RASGRF2: variants seen among roughly 807,000 people sequenced by gnomAD.
RASGRF2 encodes ras-specific guanine nucleotide-releasing factor 2.
RASGRF2 carries 76 observed loss-of-function variants against 151.0 expected under a neutral mutation model. The observed-to-expected ratio is 0.50, with a 90% CI of 0.42 to 0.61. The LOEUF (loss-of-function observed/expected upper bound fraction) is 0.61, where lower values mean the gene tolerates loss of function less well. RASGRF2 is among the 20% of genes least tolerant of loss of function. RASGRF2 has a pLI of 0.00. For synonymous variants in RASGRF2, 504 were observed against 566.5 expected, an observed-to-expected ratio of 0.89 and a Z score of 1.57; for missense variants, 1,148 against 1,564.6, an observed-to-expected ratio of 0.73 and a Z score of 4.49.
At chr5:80,992,321 A>C (rs1342391802) in intron 1 of RASGRF2, among the ~76,000 whole-genome samples, 1 of 152,094 alleles carries the variant, frequency 6.6e-6, no homozygotes, top group African/African-American at 2.4e-5. Context: ...CTGCAGGAGA[A>C]AATTGTCTCC....
chr5:81,112,366 T>TTATACC (rs1753020439), intron 13 of RASGRF2, among the ~76,000 whole-genome samples: 1 of 152,114 alleles, frequency 6.6e-6, no homozygotes, highest in Non-Finnish European at 1.5e-5. Flanking sequence ...TGTGCATAGG[T>TTATACC]TATGTGGAAA....
intron 17 of RASGRF2, among the ~76,000 whole-genome samples, chr5:81,144,464 G>A (rs142158375): frequency 1.2e-3 from 182 of 152,336 alleles, no homozygotes; most frequent in Non-Finnish European, 6.0e-4. Context: ...GTGCTGGGAA[G>A]ACATAAGGCG....
At chr5:81,166,343 A>G (rs1253263671) in intron 17 of RASGRF2, among the ~76,000 whole-genome samples, 2 of 151,908 alleles carry the variant, frequency 1.3e-5, no homozygotes, top group African/African-American at 4.8e-5. Context: ...GCGTGCCACG[A>G]CACCTGGCTA....
intron 1 of RASGRF2, among the ~76,000 whole-genome samples, chr5:80,972,135 G>C (rs2112219884): frequency 6.6e-6 from 1 of 152,218 alleles, no homozygotes; most frequent in East Asian, 1.9e-4. Flanking sequence ...AAATAATCCT[G>C]CTTTGAAAAG....
chr5:81,116,066 C>CTTTTTTTTTTTTT (rs575647502), intron 15 of RASGRF2, among the ~76,000 whole-genome samples: 2 of 49,064 alleles, frequency 4.1e-5, no homozygotes, highest in African/African-American at 6.5e-5. Flanking sequence ...AATGCCATTT[C>CTTTTTTTTTTTTT]TTTTTTTTTT....
At chr5:80,970,327 T>C (rs1056755039) in intron 1 of RASGRF2, among the ~76,000 whole-genome samples, 1 of 152,206 alleles carries the variant, frequency 6.6e-6, no homozygotes, top group Non-Finnish European at 1.5e-5. Context: ...ACTGATTGTT[T>C]TAGGCCCTTT....
intron 1 of RASGRF2, among the ~76,000 whole-genome samples, chr5:80,993,807 C>T (rs1306087681): frequency 1.3e-5 from 2 of 152,060 alleles, no homozygotes; most frequent in Non-Finnish European, 2.9e-5. Context: ...GAGATGGCTA[C>T]CTCAGTTTCA....
At position 81,092,742 on chromosome 5, in the gene RASGRF2, A is replaced by G. The variant is rs1346118246; in HGVS notation, c.1391-59A>G. 16 of 1,489,750 alleles carry G rather than the reference A, an allele frequency of 1.1e-5. No homozygotes were observed. In the East Asian group the frequency reaches 2.0e-4, roughly 19 times the overall value. The allele number at this position is 1,489,750 out of a possible 1,614,324, so 92.3% of individuals were successfully genotyped here. ...GACCTTAGTGTTTATTGCCGTGGAC[A>G]TGGTCCTCACTTGACAGAATTTTAA... On this transcript the variant is annotated intron_variant, in intron 9 of 26. Coordinates refer to ENST00000265080, the MANE Select transcript of RASGRF2 (RefSeq NM_006909.3).
chr5:80,974,906 G>T (rs78323343), intron 1 of RASGRF2, among the ~76,000 whole-genome samples: 6 of 152,098 alleles, frequency 3.9e-5, no homozygotes, highest in Non-Finnish European at 8.8e-5. Flanking sequence ...TTTCTTGCAG[G>T]CATTAGTGTG....
intron 2 of RASGRF2, among the ~76,000 whole-genome samples, chr5:81,061,963 A>G (rs1260460952): frequency 6.7e-6 from 1 of 148,732 alleles, no homozygotes; most frequent in African/African-American, 2.5e-5. Flanking sequence ...TGCTAGGATT[A>G]CAGACATGAG....
chr5:81,225,396 T>C (rs1032811486), intron 26 of RASGRF2, among the ~76,000 whole-genome samples: 12 of 152,144 alleles, frequency 7.9e-5, no homozygotes, highest in Admixed American at 7.2e-4. Context: ...TAAGTACATG[T>C]AATCTCTATA....
At position 81,098,103 on chromosome 5, in the gene RASGRF2, A is replaced by G. The variant is rs541055973; in HGVS notation, c.1755+3111A>G. 3.3e-5 allele frequency among the ~76,000 whole-genome samples: 5 copies of G among 152,276 alleles called. No individual in the cohort carries two copies. In the South Asian group the frequency reaches 1.0e-3, roughly 32 times the overall value. ...AGATTAGGGATCTGAGCCTGGATTC[A>G]TTTTGAAGGTAGAACCAGCAGAGTT... is the stretch of plus-strand genomic sequence containing the variant. On this transcript the variant is annotated intron_variant, in intron 12 of 26. Coordinates refer to ENST00000265080, the MANE Select transcript of RASGRF2 (RefSeq NM_006909.3).
chr5:81,161,260 A>T (rs1351626891), intron 17 of RASGRF2, among the ~76,000 whole-genome samples: 2 of 152,158 alleles, frequency 1.3e-5, no homozygotes, highest in Admixed American at 1.3e-4. Flanking sequence ...CACCTTAGCA[A>T]GACAGTAAGT....
intron 7 of RASGRF2, among the ~76,000 whole-genome samples, chr5:81,082,640 CTA>C (rs1752119627): frequency 6.6e-6 from 1 of 152,138 alleles, no homozygotes; most frequent in African/African-American, 2.4e-5. Flanking sequence ...GATTGGGTAA[CTA>C]TGTGGTGTTT....
At position 81,180,189 on chromosome 5, in the gene RASGRF2, G is replaced by C. The variant is rs780471153; in HGVS notation, c.2701G>C (p.Glu901Gln). The C allele has an allele frequency of 6.2e-7, 1 of 1,606,852 alleles. No homozygotes were observed. Among genetic ancestry groups the C allele is most frequent in the South Asian group, 1.1e-5 (1 of 90,880 alleles). The change falls in exon 18 of 27, where the codon GAG becomes CAG. Residue 901 changes from glutamate (E) to glutamine (Q), a missense_variant. Around this residue, in one of 5 missense-constraint regions of RASGRF2, gnomAD observed 646 missense variants for 807.4 expected, o/e 0.80. Coordinates refer to ENST00000265080, the MANE Select transcript of RASGRF2 (RefSeq NM_006909.3). ...TTTCTCCTAAGGCTTTAACAACACC[G>C]AGAGAACATGTGATAAAGAGTTTAT... is the stretch of plus-strand genomic sequence containing the variant. Reference protein sequence around the residue: ...HGSPPGFNNTERTCDKEFIIR... With the variant: ...HGSPPGFNNTQRTCDKEFIIR...
rs760338806 is a variant in RASGRF2, at chr5:81,073,344, A to G, written c.779A>G (p.His260Arg). 6.2e-7 allele frequency: 1 copy of G among 1,614,184 alleles called. No individual in the cohort carries two copies. Among genetic ancestry groups the G allele is most frequent in the Non-Finnish European group, 8.5e-7 (1 of 1,180,028 alleles). ...TMVEAESEYV[H>R]QLYILVNGFL... is the part of the protein sequence containing the mutation. ...GTGGAGGCAGAGTCAGAGTACGTTC[A>G]CCAGCTCTACATCCTGGTCAATGGC... Residue 260 changes from histidine (H) to arginine (R), a missense_variant, in exon 5 of 27, where the codon CAC (histidine) becomes CGC (arginine). This residue lies in a region of RASGRF2 where 176 missense variants were observed against 309.6 expected (regional missense o/e 0.57). Coordinates refer to ENST00000265080, the MANE Select transcript of RASGRF2 (RefSeq NM_006909.3).
At position 81,127,918 on chromosome 5, in the gene RASGRF2, C is replaced by T. The variant is rs113969549; in HGVS notation, c.2686+755C>T. ...CAGCCTGTGTGACAGAGCAAGACTC[C>T]GTCTCAAAAAAAAAAAAAAAAAAAA... On this transcript the variant is annotated intron_variant, in intron 17 of 26. Coordinates refer to ENST00000265080, the MANE Select transcript of RASGRF2 (RefSeq NM_006909.3). Among the ~76,000 whole-genome samples the T allele has an allele frequency of 1.6e-3, 157 of 101,250 alleles. 1 individual carries two copies. The highest frequency in any genetic ancestry group is 6.1e-3 in the African/African-American group (135 of 22,298). The allele number at this position is 101,250 out of a possible 152,430, so 66.4% of individuals were successfully genotyped here.
chr5:81,147,343 G>A (rs924766600), intron 17 of RASGRF2, among the ~76,000 whole-genome samples: 6 of 151,826 alleles, frequency 4.0e-5, no homozygotes, highest in Admixed American at 2.6e-4. Flanking sequence ...TATGCATTTC[G>A]TGGTTTATGT....
chr5:80,992,899 G>A (rs548870791), intron 1 of RASGRF2, among the ~76,000 whole-genome samples: 1 of 152,264 alleles, frequency 6.6e-6, no homozygotes, highest in African/African-American at 2.4e-5. Context: ...TACAAATTTG[G>A]CCAAGAGCTT....
Sources: gnomAD v4.1 joint callset for allele counts (sites outside exome capture counted in the v4.1 genomes callset) on GRCh38, gnomAD v4.1.1 for gene constraint, gnomAD v4.1.1 regional missense constraint, MANE v1.5 for transcripts, NCBI Gene and HGNC (gene_info 2026-07-23, HGNC 2026-07-21) for gene names.